The following VAV3 variants were observed in gnomAD, a reference collection of about 807,000 sequenced individuals.
VAV3 encodes the protein guanine nucleotide exchange factor VAV3.
A neutral mutation model predicts 131.2 loss-of-function variants in VAV3; 94 were observed. The ratio of observed to expected loss-of-function variants is 0.72; its 90% confidence interval spans 0.61 to 0.85. VAV3 has a LOEUF of 0.85. Ranked by LOEUF, VAV3 falls within the 40% of genes least tolerant of loss-of-function variation. The pLI, the probability that VAV3 is intolerant of heterozygous loss-of-function variation, is 0.00. For synonymous variants in VAV3, 349 were observed against 342.0 expected (o/e 1.02, Z -0.22); for missense variants, 939 against 1,002.7 (o/e 0.94, Z 0.86).
chr1:107,606,176 C>T (rs946686969), intron 22 of VAV3, among the ~76,000 whole-genome samples: 9 of 151,976 alleles, frequency 5.9e-5, no homozygotes, highest in African/African-American at 2.2e-4. Context: ...TTTATTTTAC[C>T]TAGTAATTCA....
intron 15 of VAV3, among the ~76,000 whole-genome samples, chr1:107,718,663 C>A (rs1218782744): frequency 6.6e-6 from 1 of 152,138 alleles, no homozygotes; most frequent in Non-Finnish European, 1.5e-5. Flanking sequence ...ATGCCATCCC[C>A]ATCCAGCTAC....
chr1:107,636,857 T>C (rs1654967547), intron 20 of VAV3, among the ~76,000 whole-genome samples: 1 of 152,110 alleles, frequency 6.6e-6, no homozygotes, highest in South Asian at 2.1e-4. Context: ...AGAAAGAAAT[T>C]TGCAGTACTA....
intron 15 of VAV3, among the ~76,000 whole-genome samples, chr1:107,741,627 G>A (rs1663028901): frequency 6.6e-6 from 1 of 152,104 alleles, no homozygotes; most frequent in Non-Finnish European, 1.5e-5. Context: ...GGTCTGACAG[G>A]TGGGAAAATT....
intron 2 of VAV3, among the ~76,000 whole-genome samples, chr1:107,841,166 C>CACT (rs1668688668): frequency 6.6e-6 from 1 of 152,092 alleles, no homozygotes; most frequent in Admixed American, 6.6e-5. Context: ...TTCATTCATA[C>CACT]ACTCAGAAAA....
intron 1 of VAV3, among the ~76,000 whole-genome samples, chr1:107,958,458 C>T (rs902004282): frequency 1.8e-4 from 27 of 152,094 alleles, no homozygotes; most frequent in African/African-American, 6.0e-4. Flanking sequence ...GGAAATCTCA[C>T]AGACAATAGT....
At position 107,827,032 on chromosome 1, in the gene VAV3, T is replaced by A. The variant is rs550484841; in HGVS notation, c.322-47540A>T. Among the ~76,000 whole-genome samples, 9 of 152,298 alleles carry A rather than the reference T, an allele frequency of 5.9e-5. No individual in the cohort carries two copies. In the South Asian group the frequency reaches 1.9e-3, roughly 32 times the overall value. ...AATATGAATGACCTAAAAGTTAGTA[T>A]GCTGTAATAGTTTCTCATACTTTCT... On this transcript the variant is annotated intron_variant, in intron 2 of 26. Transcript: ENST00000370056.
At chr1:107,937,405 T>C (rs775242861) in intron 1 of VAV3, among the ~76,000 whole-genome samples, 3 of 152,176 alleles carry the variant, frequency 2.0e-5, no homozygotes, top group Non-Finnish European at 2.9e-5. Flanking sequence ...CAAACTTCCA[T>C]CTCTGCCTGC....
Position 107,657,398 on chromosome 1 carries a change from T to C in VAV3, c.1778-14643A>G, listed in dbSNP as rs1207451361. 2.6e-5 allele frequency among the ~76,000 whole-genome samples: 4 copies of C among 152,366 alleles called. 1 individual carries two copies. The highest frequency in any genetic ancestry group is 5.9e-5 in the Non-Finnish European group (4 of 68,036). Reference sequence around the variant, plus strand: ...TGGCCTACAAATAAGAATCAGTTTTTATTTTTTAAGAATTTCAAATGTTAT... The same window carrying C: ...TGGCCTACAAATAAGAATCAGTTTTCATTTTTTAAGAATTTCAAATGTTAT... On this transcript the variant is annotated intron_variant, in intron 19 of 26. Transcript: ENST00000370056.
intron 19 of VAV3, among the ~76,000 whole-genome samples, chr1:107,643,696 A>C (rs898515303): frequency 6.6e-6 from 1 of 152,156 alleles, no homozygotes; most frequent in Admixed American, 6.6e-5. Flanking sequence ...AAGAAGGATG[A>C]ATGACTGTCA....
intron 15 of VAV3, among the ~76,000 whole-genome samples, chr1:107,727,629 C>T (rs902323173): frequency 1.3e-5 from 2 of 152,150 alleles, no homozygotes; most frequent in African/African-American, 4.8e-5. Context: ...GTCAAGTATT[C>T]AGATTGTCAA....
intron 15 of VAV3, among the ~76,000 whole-genome samples, chr1:107,711,887 T>C (rs910092319): frequency 3.9e-5 from 6 of 152,090 alleles, no homozygotes; most frequent in East Asian, 1.9e-4. Flanking sequence ...GGTTTCACCA[T>C]ATTGGCCAGG....
intron 15 of VAV3, among the ~76,000 whole-genome samples, chr1:107,743,526 T>C (rs1663145962): frequency 6.6e-6 from 1 of 152,196 alleles, no homozygotes; most frequent in African/African-American, 2.4e-5. Flanking sequence ...TAACAGAATA[T>C]TATTATATTT....
At chr1:107,842,723 A>G (rs1177245620) in intron 2 of VAV3, among the ~76,000 whole-genome samples, 1 of 151,956 alleles carries the variant, frequency 6.6e-6, no homozygotes, top group Non-Finnish European at 1.5e-5. Context: ...ATTTTTACGC[A>G]TTTTAATTTT....
At position 107,964,651 on chromosome 1, in the gene VAV3, T is replaced by C. The variant is rs992037975; in HGVS notation, c.204+15A>G. On this transcript the variant is annotated intron_variant, in intron 1 of 26. Transcript: ENST00000370056. The stretch of plus-strand genomic sequence containing the variant: ...CTGCCGGCTGGAGGCGGGGCGCCCG[T>C]GCCGGCCTCCTCACCTGGGACATCT... The C allele has an allele frequency of 2.5e-6, 4 of 1,607,920 alleles. No individual in the cohort carries two copies. The South Asian group carries it at 3.3e-5, about 13-fold the overall frequency.
rs553371284 is a variant in VAV3 at position 107,950,803 on chromosome 1, G to A, written c.204+13863C>T. The stretch of plus-strand genomic sequence containing the variant: ...GACCAGATGGACCAGGAAAGGAGGA[G>A]ATATCAGTCAACTAAAGAGCACAGG... On this transcript the variant is annotated intron_variant, in intron 1 of 26. Coordinates refer to ENST00000370056, the MANE Select transcript of VAV3 (RefSeq NM_006113.5). Among the ~76,000 whole-genome samples, 13 of 152,272 alleles carry A rather than the reference G, an allele frequency of 8.5e-5. No individual in the cohort carries two copies. The South Asian group carries it at 1.7e-3, about 19-fold the overall frequency.
intron 12 of VAV3, among the ~76,000 whole-genome samples, chr1:107,754,620 C>T (rs1043615695): frequency 3.5e-4 from 53 of 152,312 alleles, no homozygotes; most frequent in African/African-American, 1.2e-3. Flanking sequence ...ACTGCAGTCA[C>T]AATAAAATCC....
At chr1:107,749,948 A>G (rs1465242360) in intron 13 of VAV3, among the ~76,000 whole-genome samples, 2 of 152,210 alleles carry the variant, frequency 1.3e-5, no homozygotes, top group East Asian at 1.9e-4. Context: ...CTATAGAATA[A>G]TATTAATGAC....
At chr1:107,772,964 G>T (rs978946056) in intron 4 of VAV3, 121 bp from the exon 5 acceptor site, 17 of 807,716 alleles carry the variant, frequency 2.1e-5, no homozygotes, top group Non-Finnish European at 3.3e-5. Context: ...TTAGTGGAAA[G>T]AGTTCAAAAG....
intron 1 of VAV3, among the ~76,000 whole-genome samples, chr1:107,921,155 G>A (rs930827565): frequency 5.9e-5 from 9 of 152,012 alleles, no homozygotes; most frequent in Non-Finnish European, 1.2e-4. Context: ...TGTCATACAC[G>A]GCTACTGCAA....
Sources: allele counts gnomAD v4.1 joint callset (sites outside exome capture counted in the v4.1 genomes callset), GRCh38; gene constraint gnomAD v4.1.1; transcripts MANE v1.5; gene names NCBI Gene and HGNC (gene_info 2026-07-23, HGNC 2026-07-21).